TRDN: variants seen among roughly 807,000 people sequenced by gnomAD.
TRDN encodes the protein triadin.
In TRDN, 161 loss-of-function variants were observed where a neutral mutation model predicts 149.7. The ratio of observed to expected loss-of-function variants is 1.08; its 90% CI spans 0.95 to 1.23. The LOEUF (loss-of-function observed/expected upper bound fraction) is 1.23. Ranked by LOEUF, TRDN falls within the 50% of genes most tolerant of loss-of-function variation. TRDN has a pLI of 0.00. For synonymous variants in TRDN, 294 were observed against 250.5 expected (o/e 1.17, Z -1.64); for missense variants, 896 against 823.5 (o/e 1.09, Z -1.08).
At chr6:123,611,469 G>T (rs1202444834) in intron 1 of TRDN, among the ~76,000 whole-genome samples, 3 of 152,078 alleles carry the variant, frequency 2.0e-5, no homozygotes, top group African/African-American at 7.2e-5. Flanking sequence ...TATGATTCAT[G>T]CATACACCTA....
intron 24 of TRDN, among the ~76,000 whole-genome samples, chr6:123,293,574 C>T (rs1480205052): frequency 6.6e-6 from 1 of 152,014 alleles, no homozygotes; most frequent in African/African-American, 2.4e-5. Flanking sequence ...GGAGTACCCC[C>T]CTTCTGAAAA....
intron 12 of TRDN, among the ~76,000 whole-genome samples, chr6:123,405,587 T>C (rs1773160907): frequency 6.6e-6 from 1 of 152,220 alleles, no homozygotes; most frequent in Admixed American, 6.5e-5. Flanking sequence ...CACAATTGGT[T>C]TCTGTATTAC....
At chr6:123,361,044 T>TG (rs1780880409) in intron 20 of TRDN, among the ~76,000 whole-genome samples, 1 of 152,278 alleles carries the variant, frequency 6.6e-6, no homozygotes, top group South Asian at 2.1e-4. Context: ...TAAACATACG[T>TG]GTGCATGTGT....
chr6:123,601,514 G>A (rs1784276838), intron 1 of TRDN, among the ~76,000 whole-genome samples: 1 of 152,132 alleles, frequency 6.6e-6, no homozygotes, highest in Non-Finnish European at 1.5e-5. Flanking sequence ...GAGAATCAAT[G>A]GTGATCTTTG....
chr6:123,552,647 C>T lies in TRDN; in HGVS notation c.233-4035G>A, dbSNP rs1430780113. ...TTGTTTAAAATGTTGATATTTTCTT[C>T]ATCATATATTTTTGCATTAATTTTG... On this transcript the variant is annotated intron_variant, in intron 2 of 40. Coordinates refer to ENST00000334268, the MANE Select transcript of TRDN (RefSeq NM_006073.4). 3.3e-5 allele frequency among the ~76,000 whole-genome samples: 5 copies of T among 152,192 alleles called. No homozygotes were observed. In the East Asian group the frequency reaches 9.7e-4, roughly 29 times the overall value.
intron 1 of TRDN, among the ~76,000 whole-genome samples, chr6:123,627,918 T>C (rs891016898): frequency 6.6e-6 from 1 of 152,146 alleles, no homozygotes; most frequent in African/African-American, 2.4e-5. Context: ...CTTCCTTACC[T>C]CTCCACATCT....
At chr6:123,255,752 C>T in intron 36 of TRDN, 115 bp downstream of exon 36, 1 of 524,176 alleles carries the variant, frequency 1.9e-6, no homozygotes, top group South Asian at 3.4e-5. Flanking sequence ...CTCAGGCTAA[C>T]ACTCATCACA....
chr6:123,475,099 A>G (rs1448188662), intron 9 of TRDN, among the ~76,000 whole-genome samples: 2 of 151,748 alleles, frequency 1.3e-5, no homozygotes, highest in Non-Finnish European at 3.0e-5. Context: ...AAACCCTTCA[A>G]AAAATTAATG....
chr6:123,268,500 G>C (rs1302726041), intron 31 of TRDN, among the ~76,000 whole-genome samples: 1 of 152,086 alleles, frequency 6.6e-6, no homozygotes, highest in African/African-American at 2.4e-5. Context: ...GAGAATATCT[G>C]TCAATTGAGT....
At chr6:123,424,894 A>G (rs1774051516) in intron 12 of TRDN, among the ~76,000 whole-genome samples, 1 of 152,160 alleles carries the variant, frequency 6.6e-6, no homozygotes, top group South Asian at 2.1e-4. Flanking sequence ...TGATGAGTAC[A>G]GCAGGTTTCC....
chr6:123,515,481 GAGA>G (rs1289469586), intron 6 of TRDN, among the ~76,000 whole-genome samples: 1 of 151,798 alleles, frequency 6.6e-6, no homozygotes, highest in South Asian at 2.1e-4. Context: ...TTAGTGATAT[GAGA>G]AGATTTCAGG....
chr6:123,296,743 T>A (rs1251897977), intron 24 of TRDN, among the ~76,000 whole-genome samples: 1 of 152,052 alleles, frequency 6.6e-6, no homozygotes, highest in Non-Finnish European at 1.5e-5. Flanking sequence ...TTTATGTATA[T>A]AATTTTGGAA....
intron 1 of TRDN, among the ~76,000 whole-genome samples, chr6:123,592,458 A>G (rs1783831334): frequency 6.6e-6 from 1 of 152,202 alleles, no homozygotes; most frequent in East Asian, 1.9e-4. Context: ...TGCTAGAGAC[A>G]GGCAGGACGT....
intron 5 of TRDN, among the ~76,000 whole-genome samples, chr6:123,527,728 A>C (rs1780022614): frequency 6.6e-6 from 1 of 151,886 alleles, no homozygotes; most frequent in Admixed American, 6.6e-5. Flanking sequence ...ATGTTCCGCT[A>C]TATTACTATA....
intron 38 of TRDN, among the ~76,000 whole-genome samples, chr6:123,224,572 A>G (rs1775286758): frequency 6.6e-6 from 1 of 151,816 alleles, no homozygotes; most frequent in African/African-American, 2.4e-5. Context: ...AGCCTTTTTG[A>G]CAATTCTAAA....
intron 24 of TRDN, among the ~76,000 whole-genome samples, chr6:123,301,623 G>T (rs1483490664): frequency 6.6e-6 from 1 of 151,024 alleles, no homozygotes; most frequent in Admixed American, 6.7e-5. Context: ...ATCTGGCTTA[G>T]TAAGTACTCA....
chr6:123,624,242 C>T lies in TRDN; in HGVS notation c.22+12512G>A, dbSNP rs113583480. 1.1e-3 allele frequency among the ~76,000 whole-genome samples: 171 copies of T among 152,160 alleles called. 1 individual carries two copies. Among genetic ancestry groups the T allele is most frequent in the African/African-American group, 4.0e-3 (166 of 41,522 alleles). ...AGGAAGAAGATAAAATACTATGTCT[C>T]AAAGCACCTGGGTATTGAGAGCTCA... is the stretch of plus-strand genomic sequence containing the variant. On this transcript the variant is annotated intron_variant, in intron 1 of 40. Coordinates refer to ENST00000334268, the MANE Select transcript of TRDN (RefSeq NM_006073.4).
chr6:123,404,519 G>A (rs1033002847), intron 12 of TRDN, among the ~76,000 whole-genome samples: 3 of 152,220 alleles, frequency 2.0e-5, no homozygotes, highest in East Asian at 1.9e-4. Context: ...TGAGATCTCA[G>A]GTAACTGCAA....
chr6:123,521,835 A>G (rs1369984058), intron 5 of TRDN, among the ~76,000 whole-genome samples: 1 of 152,098 alleles, frequency 6.6e-6, no homozygotes, highest in Non-Finnish European at 1.5e-5. Flanking sequence ...CCAAACCCCA[A>G]ACTACATCTC....
Sources: allele counts gnomAD v4.1 joint callset (sites outside exome capture counted in the v4.1 genomes callset), GRCh38; gene constraint gnomAD v4.1.1; transcripts MANE v1.5; gene names NCBI Gene and HGNC (gene_info 2026-07-23, HGNC 2026-07-21).